PRUNE2: variants seen among roughly 807,000 people sequenced by gnomAD.
PRUNE2 encodes the protein protein prune homolog 2.
PRUNE2 carries 164 observed loss-of-function variants against 252.0 expected under a neutral mutation model. That is an observed-to-expected ratio of 0.65 (90% confidence interval 0.57 to 0.74). The LOEUF (loss-of-function observed/expected upper bound fraction) is 0.74, where lower values mean the gene tolerates loss of function less well. Ranked by LOEUF, PRUNE2 falls within the 30% of genes least tolerant of loss-of-function variation. The probability of loss-of-function intolerance (pLI) is 0.00; values close to 1 mark genes in which losing one functional copy is unlikely to be tolerated. For missense variants in PRUNE2, 3,495 were observed against 3,711.0 expected (o/e 0.94, Z 1.51); for synonymous variants, 1,292 against 1,350.2 (o/e 0.96, Z 0.94).
At position 76,850,596 on chromosome 9, in the gene PRUNE2, C is replaced by A. The variant is rs764771986; in HGVS notation, c.211G>T (p.Glu71Ter). 6.2e-7 allele frequency: 1 copy of A among 1,613,930 alleles called. No individual in the cohort carries two copies. The highest frequency in any genetic ancestry group is 1.3e-5 in the African/African-American group (1 of 74,900). The stretch of plus-strand genomic sequence containing the variant: ...AGCTCTTCTAAAATAAACCTCGTCT[C>A]GGTGAAGTAGTTGAATTCAGTTCTT... ...IPRTEFNYFT[E>*]TRFILEELNI... Residue 71 changes from glutamate to a stop codon, truncating the protein, a stop_gained, in exon 3 of 19, where the codon GAG (glutamate) becomes TAG (stop). Coordinates refer to ENST00000376718, the MANE Select transcript of PRUNE2 (RefSeq NM_015225.3). LOFTEE classifies it high-confidence loss of function.
At chr9:76,788,301 A>C (rs1343661899) in intron 6 of PRUNE2, 1 of 619,976 alleles carries the variant, frequency 1.6e-6, no homozygotes. Context: ...GTCGAAAGAA[A>C]CATCTCTTAC....
At chr9:76,803,103 G>A (rs183193290) in intron 6 of PRUNE2, among the ~76,000 whole-genome samples, 230 of 152,238 alleles carry the variant, frequency 1.5e-3, no homozygotes, top group Non-Finnish European at 2.4e-3. Flanking sequence ...AATCAAGAAG[G>A]TTTTCAAGGA....
intron 1 of PRUNE2, among the ~76,000 whole-genome samples, chr9:76,902,419 G>A (rs982391637): frequency 6.6e-6 from 1 of 152,120 alleles, no homozygotes; most frequent in Non-Finnish European, 1.5e-5. Context: ...GAATGGGCAG[G>A]AGAAAAAAGA....
At position 76,705,549 on chromosome 9, in the gene PRUNE2, G is replaced by C. The variant is rs2046251359; in HGVS notation, c.6725C>G (p.Pro2242Arg). 1.9e-6 allele frequency: 3 copies of C among 1,613,902 alleles called. No homozygotes were observed. In the African/African-American group the frequency reaches 4.0e-5, roughly 22 times the overall value. The change falls in exon 8 of 19, where the codon CCA becomes CGA. Residue 2242 changes from proline to arginine, a missense_variant. Coordinates refer to ENST00000376718, the MANE Select transcript of PRUNE2 (RefSeq NM_015225.3). ...ATSIFVTHQE[P>R]TPEGDGSWIS... ...CCAAGAACCGTCACCTTCTGGAGTTGGCTCTTGGTGAGTTACAAAAATGCT... is the reference window on the plus strand; with the variant it reads ...CCAAGAACCGTCACCTTCTGGAGTTCGCTCTTGGTGAGTTACAAAAATGCT...
At chr9:76,754,436 C>T (rs1269514744) in intron 6 of PRUNE2, among the ~76,000 whole-genome samples, 1 of 152,204 alleles carries the variant, frequency 6.6e-6, no homozygotes, top group Non-Finnish European at 1.5e-5. Context: ...AATCATCTAT[C>T]CATGAACGTC....
intron 9 of PRUNE2, among the ~76,000 whole-genome samples, chr9:76,669,667 G>C (rs975937369): frequency 6.6e-5 from 10 of 152,214 alleles, no homozygotes; most frequent in African/African-American, 2.4e-4. Flanking sequence ...CAGACCCACA[G>C]TCCAGTCTAA....
Position 76,850,392 on chromosome 9 carries a change from G to C in PRUNE2, c.344+71C>G, listed in dbSNP as rs185495208. 893 of 1,241,126 alleles carry C rather than the reference G, an allele frequency of 7.2e-4. 3 individuals carry two copies. Among genetic ancestry groups the C allele is most frequent in the Non-Finnish European group, 8.8e-4 (747 of 850,316 alleles). The allele number at this position is 1,241,126 out of a possible 1,614,324, so 76.9% of individuals were successfully genotyped here. On this transcript the variant is annotated intron_variant, in intron 3 of 18. Coordinates refer to ENST00000376718, the MANE Select transcript of PRUNE2 (RefSeq NM_015225.3). The stretch of plus-strand genomic sequence containing the variant: ...TCTGCCTAAACCACAAAAGTCCTGA[G>C]TAAAGTGACACTTTGCCCAGTAGAA...
chr9:76,807,244 A>T (rs1429871187), intron 6 of PRUNE2, among the ~76,000 whole-genome samples: 4 of 150,432 alleles, frequency 2.7e-5, no homozygotes, highest in Non-Finnish European at 5.9e-5. Context: ...AAAAAAAAAA[A>T]TTTCTTTTGG....
At chr9:76,895,332 C>T (rs559254848) in intron 1 of PRUNE2, among the ~76,000 whole-genome samples, 5 of 152,266 alleles carry the variant, frequency 3.3e-5, no homozygotes, top group Non-Finnish European at 7.4e-5. Context: ...ACATCTTGTA[C>T]GTGCTGAGGC....
chr9:76,660,128 T>C (rs982425664), intron 9 of PRUNE2, among the ~76,000 whole-genome samples: 1 of 152,144 alleles, frequency 6.6e-6, no homozygotes, highest in African/African-American at 2.4e-5. Context: ...AATAAAGAGT[T>C]ATTATAGAAG....
chr9:76,703,280 C>T, intron 9 of PRUNE2, 57 bp downstream of exon 9: 1 of 1,467,240 alleles, frequency 6.8e-7, no homozygotes, highest in Middle Eastern at 1.8e-4. Context: ...AACCATTTCC[C>T]AGGTTTCTAA....
At chr9:76,879,092 C>T (rs12344243) in intron 1 of PRUNE2, among the ~76,000 whole-genome samples, 2,213 of 152,242 alleles carry the variant, frequency 0.015, 57 homozygotes, top group African/African-American at 0.049. Flanking sequence ...CCAGTGAGCA[C>T]TAGTAAACAG....
rs1274339754 is a variant in PRUNE2 at position 76,644,736 on chromosome 9, T to C, written c.8728+3A>G. 17 of 1,613,460 alleles carry C rather than the reference T, an allele frequency of 1.1e-5. No homozygotes were observed. The highest frequency in any genetic ancestry group is 1.4e-5 in the Non-Finnish European group (17 of 1,179,454). On this transcript the variant is annotated splice_donor_region_variant and intron_variant, in intron 12 of 18. Coordinates refer to ENST00000376718, the MANE Select transcript of PRUNE2 (RefSeq NM_015225.3). The stretch of plus-strand genomic sequence containing the variant: ...TTCCCAGATTCATGCTGAGCTCGAC[T>C]ACCTCCGTGAGAAATGACTCTCCTG...
intron 6 of PRUNE2, among the ~76,000 whole-genome samples, chr9:76,813,317 A>T (rs978146452): frequency 6.6e-6 from 1 of 152,190 alleles, no homozygotes; most frequent in African/African-American, 2.4e-5. Context: ...AAGTTCCTCC[A>T]TAATATCCTC....
At chr9:76,646,498 A>G (rs11144991) in intron 11 of PRUNE2, among the ~76,000 whole-genome samples, 2,547 of 152,332 alleles carry the variant, frequency 0.017, 68 homozygotes, top group African/African-American at 0.056. Flanking sequence ...TCCCACCAGC[A>G]TGCGGCAGCT....
At chr9:76,902,619 C>A (rs564813197) in intron 1 of PRUNE2, among the ~76,000 whole-genome samples, 1 of 152,302 alleles carries the variant, frequency 6.6e-6, no homozygotes, top group Admixed American at 6.5e-5. Context: ...CGTGTCAATT[C>A]CATATGTGTC....
intron 12 of PRUNE2, among the ~76,000 whole-genome samples, chr9:76,638,935 T>C (rs1841340035): frequency 6.6e-6 from 1 of 152,150 alleles, no homozygotes; most frequent in African/African-American, 2.4e-5. Context: ...CCTTGTTCTG[T>C]CCAATATTTT....
chr9:76,655,288 A>G, intron 10 of PRUNE2, 135 bp downstream of exon 10: 2 of 726,934 alleles, frequency 2.8e-6, no homozygotes, highest in Admixed American at 2.3e-5. Context: ...CCTTCATATC[A>G]CACATTTCTT....
chr9:76,612,695 G>A lies in PRUNE2; in HGVS notation c.*1875C>T, dbSNP rs755022491. The A allele has an allele frequency of 2.0e-5, 3 of 152,268 alleles. No homozygotes were observed. The highest frequency in any genetic ancestry group is 4.4e-5 in the Non-Finnish European group (3 of 68,096). The allele number at this position is 152,268 out of a possible 1,614,324, so 9.4% of individuals were successfully genotyped here. Reference sequence around the variant, plus strand: ...TACTCGCTTGAAAGGATCAAGAGGAGAAAAGAGAAAACGATGGAGGCTTAT... The same window carrying A: ...TACTCGCTTGAAAGGATCAAGAGGAAAAAAGAGAAAACGATGGAGGCTTAT... On this transcript the variant is annotated 3_prime_UTR_variant, in exon 19 of 19. Coordinates refer to ENST00000376718, the MANE Select transcript of PRUNE2 (RefSeq NM_015225.3).
Sources: allele counts gnomAD v4.1 joint callset (sites outside exome capture counted in the v4.1 genomes callset), GRCh38; gene constraint gnomAD v4.1.1; transcripts MANE v1.5; gene names NCBI Gene and HGNC (gene_info 2026-07-23, HGNC 2026-07-21).